The following NTNG2 variants were observed in gnomAD, a reference collection of about 807,000 sequenced individuals.
NTNG2 encodes netrin-G2.
Under a neutral mutation model 47.6 loss-of-function variants are expected in NTNG2, and 15 were observed. That is an observed-to-expected ratio of 0.32 (90% CI 0.21 to 0.49). The LOEUF is 0.49. NTNG2 is among the 20% of genes least tolerant of loss of function. The pLI is 0.99. For synonymous variants in NTNG2, 307 were observed against 324.6 expected (o/e 0.95, Z 0.58); for missense variants, 578 against 764.6 (o/e 0.76, Z 2.88).
intron 4 of NTNG2, among the ~76,000 whole-genome samples, chr9:132,228,639 C>A (rs1367708221): frequency 1.3e-5 from 2 of 151,716 alleles, no homozygotes; most frequent in Non-Finnish European, 2.9e-5. Context: ...CTCACTGTAA[C>A]CTCAACCTCC....
chr9:132,224,870 C>T (rs1487522012), intron 3 of NTNG2, among the ~76,000 whole-genome samples: 2 of 152,142 alleles, frequency 1.3e-5, no homozygotes, highest in Non-Finnish European at 2.9e-5. Flanking sequence ...TCATCTGTAC[C>T]TCTGCCCATC....
At chr9:132,191,300 T>C (rs919815646) in intron 2 of NTNG2, among the ~76,000 whole-genome samples, 1 of 152,064 alleles carries the variant, frequency 6.6e-6, no homozygotes, top group African/African-American at 2.4e-5. Context: ...CTGTGGAAGG[T>C]TGCTGGGAGT....
intron 2 of NTNG2, among the ~76,000 whole-genome samples, chr9:132,177,616 G>A (rs1413404165): frequency 6.6e-6 from 1 of 152,120 alleles, no homozygotes; most frequent in Non-Finnish European, 1.5e-5. Flanking sequence ...CATAATCTAT[G>A]CACTTACTTC....
chr9:132,205,475 G>A (rs1346077676), intron 3 of NTNG2, among the ~76,000 whole-genome samples: 2 of 152,210 alleles, frequency 1.3e-5, no homozygotes, highest in Admixed American at 6.5e-5. Context: ...ATGGGGGTTA[G>A]TATTTAATGG....
intron 6 of NTNG2, 87 bp downstream of exon 6, chr9:132,239,358 C>A: frequency 7.7e-7 from 1 of 1,295,482 alleles, no homozygotes; most frequent in Non-Finnish European, 1.1e-6. Flanking sequence ...GGGCCCCCTG[C>A]ATCAGAATCA....
chr9:132,167,558 C>T (rs1480109614), intron 2 of NTNG2, among the ~76,000 whole-genome samples: 1 of 152,144 alleles, frequency 6.6e-6, no homozygotes, highest in African/African-American at 2.4e-5. Context: ...TTGACGGAGG[C>T]TCAGAGGGGA....
At chr9:132,164,054 G>A (rs540864747) in intron 1 of NTNG2, among the ~76,000 whole-genome samples, 1 of 152,158 alleles carries the variant, frequency 6.6e-6, no homozygotes, top group East Asian at 1.9e-4. Context: ...GTTATCCGGG[G>A]ACTCCTGCCT....
At position 132,163,698 on chromosome 9, in the gene NTNG2, CA is replaced by C. The variant is rs983747374; in HGVS notation, c.-484+1461del. Among the ~76,000 whole-genome samples the C allele has an allele frequency of 6.6e-6, 1 of 152,196 alleles. No individual in the cohort carries two copies. The highest frequency in any genetic ancestry group is 2.4e-5 in the African/African-American group (1 of 41,446). The stretch of plus-strand genomic sequence containing the variant: ...CCCAGGGGCCCCGCGCCCGCCGCGG[CA>C]AGTTTCCCACACGGCGAGGGCGCAG... On this transcript the variant is annotated intron_variant, in intron 1 of 7. Transcript: ENST00000393229. The surrounding 1 kb of genome is among the most constrained non-coding windows in gnomAD (Gnocchi z 7.2).
rs754647344 is a variant in NTNG2 at position 132,240,983 on chromosome 9, C to A, written c.1296C>A (p.Gly432=). The A allele has an allele frequency of 1.1e-5, 17 of 1,610,990 alleles. No individual in the cohort carries two copies. Among genetic ancestry groups the A allele is most frequent in the Non-Finnish European group, 1.4e-5 (17 of 1,179,560 alleles). The change falls in exon 7 of 8, where the codon GGC becomes GGA. Residue 432 remains glycine (G), a synonymous_variant. Transcript: ENST00000393229. The stretch of plus-strand genomic sequence containing the variant: ...CCGGCTTCTGCGAGTGCCGCGAGGG[C>A]GCGGCGGGCCCCAAGTGCGACGACT... The part of the protein sequence containing the change: ...NETGFCECRE[G]AAGPKCDDCL...
In NTNG2 at chr9:132,231,561, C is replaced by T. The variant is rs1315042651; in HGVS notation, c.1054+966C>T. 3.0e-6 allele frequency: 1 copy of T among 331,376 alleles called. No homozygotes were observed. The highest frequency in any genetic ancestry group is 6.0e-6 in the Non-Finnish European group (1 of 167,662). 20.5% of individuals were successfully genotyped at this position (331,376 alleles called of 1,614,324 possible). On this transcript the variant is annotated intron_variant, in intron 5 of 7. Transcript: ENST00000393229. The surrounding 1 kb of genome is among the most constrained non-coding windows in gnomAD (Gnocchi z 4.1). ...GACCCTGCAGGGACGCTGGTCTGCA[C>T]AGCCGTCGTAAGTTGCTTCTCTGTG...
chr9:132,217,328 G>A (rs1341485010), intron 3 of NTNG2, among the ~76,000 whole-genome samples: 1 of 152,176 alleles, frequency 6.6e-6, no homozygotes, highest in African/African-American at 2.4e-5. Flanking sequence ...GCAGCCTGAG[G>A]CAGGGAGGGG....
chr9:132,165,915 A>C (rs1167179533), intron 1 of NTNG2: 4 of 152,188 alleles, frequency 2.6e-5, no homozygotes, highest in Non-Finnish European at 5.9e-5. Flanking sequence ...CATTTTTTGC[A>C]CATTTTGCCG....
intron 6 of NTNG2, 59 bp from the exon 7 acceptor site, chr9:132,240,851 C>T: frequency 6.2e-7 from 1 of 1,609,958 alleles, no homozygotes; most frequent in Non-Finnish European, 8.5e-7. Flanking sequence ...GAGTGGGGGT[C>T]CGAGAAGACG....
At chr9:132,190,317 C>T (rs923812060) in intron 2 of NTNG2, among the ~76,000 whole-genome samples, 3 of 149,962 alleles carry the variant, frequency 2.0e-5, no homozygotes, top group Non-Finnish European at 4.4e-5. Flanking sequence ...AATTGGGGGA[C>T]TCGCCCAAGC....
intron 2 of NTNG2, among the ~76,000 whole-genome samples, chr9:132,196,354 G>A (rs1838317368): frequency 6.6e-6 from 1 of 151,944 alleles, no homozygotes; most frequent in South Asian, 2.1e-4. Context: ...CCACGCCCGG[G>A]TAATTTTTTT....
intron 7 of NTNG2, 121 bp downstream of exon 7, chr9:132,241,165 G>T: frequency 7.9e-7 from 1 of 1,269,252 alleles, no homozygotes; most frequent in Non-Finnish European, 1.1e-6. Context: ...GCAAGACGGG[G>T]CAGGGCCGGG....
chr9:132,187,182 C>T lies in NTNG2; in HGVS notation c.214-10784C>T, dbSNP rs541418486. Among the ~76,000 whole-genome samples, 12 of 152,358 alleles carry T rather than the reference C, an allele frequency of 7.9e-5. 1 individual carries two copies. In the East Asian group the frequency reaches 2.1e-3, roughly 27 times the overall value. ...CCCCTGGGGGAGGAGCAGGGGCGGT[C>T]GCCGTGGCTTTGGGAGGCTCATTGC... is the stretch of plus-strand genomic sequence containing the variant. On this transcript the variant is annotated intron_variant, in intron 2 of 7. Transcript: ENST00000393229.
chr9:132,174,661 C>T (rs1253365769), intron 2 of NTNG2, among the ~76,000 whole-genome samples: 1 of 152,192 alleles, frequency 6.6e-6, no homozygotes, highest in African/African-American at 2.4e-5. Context: ...GTGGCTCAAG[C>T]CTGTAATCCC....
At chr9:132,240,505 AG>A (rs1242280576) in intron 6 of NTNG2, 6 of 295,224 alleles carry the variant, frequency 2.0e-5, no homozygotes, top group Non-Finnish European at 3.9e-5. Context: ...GGAGCTATGG[AG>A]GGGGGCCACC....
Sources: gnomAD v4.1 joint callset for allele counts (sites outside exome capture counted in the v4.1 genomes callset) on GRCh38, gnomAD v4.1.1 for gene constraint, Gnocchi (gnomAD v3.1) non-coding constraint, MANE v1.5 for transcripts, NCBI Gene and HGNC (gene_info 2026-07-23, HGNC 2026-07-21) for gene names.